The following FRMD6 variants were observed in gnomAD, a reference collection of about 807,000 sequenced individuals.
FRMD6 encodes FERM domain-containing protein 6.
FRMD6 carries 37 observed loss-of-function variants against 73.2 expected under a neutral mutation model. That is an observed-to-expected ratio of 0.51 (90% CI 0.39 to 0.66). FRMD6 has a LOEUF of 0.66. Ranked by LOEUF, FRMD6 falls within the 30% of genes least tolerant of loss-of-function variation. FRMD6 has a pLI of 0.00. For missense variants in FRMD6, 714 were observed against 780.5 expected (o/e 0.91, Z 1.02); for synonymous variants, 273 against 282.2 (o/e 0.97, Z 0.33).
At chr14:51,524,197 C>T (rs1381856128) in intron 1 of FRMD6, among the ~76,000 whole-genome samples, 2 of 152,160 alleles carry the variant, frequency 1.3e-5, no homozygotes, top group Non-Finnish European at 2.9e-5. Context: ...CTCCCCTTTA[C>T]TAGGCATGTC....
chr14:51,697,979 C>A, intron 2 of FRMD6, 163 bp from the exon 3 acceptor site: 1 of 537,580 alleles, frequency 1.9e-6, no homozygotes, highest in South Asian at 2.3e-5. Flanking sequence ...ATTACTGAAA[C>A]ACAACCCCAG....
chr14:51,695,814 C>G (rs1403255344), intron 2 of FRMD6, among the ~76,000 whole-genome samples: 1 of 152,050 alleles, frequency 6.6e-6, no homozygotes, highest in African/African-American at 2.4e-5. Flanking sequence ...AGGTTGGTTG[C>G]TATTTAATAA....
At chr14:51,430,046 GAAAT>G in the FRMD6 span, among the ~76,000 whole-genome samples, 2 of 152,150 alleles carry the variant, frequency 1.3e-5, no homozygotes, top group African/African-American at 4.8e-5. Context: ...GAAAGAAAAA[GAAAT>G]AAAATTGAAT....
In FRMD6 at chr14:51,660,133, C is replaced by T. The variant is rs111681524; in HGVS notation, c.-147+8137C>T. ...AAAATCTTGAGCTTAGTAAACTTAG[C>T]ACTTTAAAAATGTTCACTAAGTCCA... On this transcript the variant is annotated intron_variant, in intron 1 of 13. Transcript: ENST00000344768. Among the ~76,000 whole-genome samples the T allele has an allele frequency of 8.8e-3, 1,340 of 152,242 alleles. 21 individuals carry two copies. The highest frequency in any genetic ancestry group is 0.03 in the African/African-American group (1,253 of 41,534).
At chr14:51,404,747 T>C in the FRMD6 span, among the ~76,000 whole-genome samples, 1 of 152,328 alleles carries the variant, frequency 6.6e-6, no homozygotes, top group Admixed American at 6.5e-5. Flanking sequence ...TCCATTGTTT[T>C]AGTTGATATA....
rs183990110 is a variant in FRMD6 at position 51,594,395 on chromosome 14, C to T, written c.-147+23985C>T. ...CCAGGCTGGAGTGCAATGGTGCGAT[C>T]TTGGCTCACGGCAACCTCTGCCTCC... On this transcript the variant is annotated intron_variant, in intron 2 of 14. Coordinates refer to the FRMD6 transcript ENST00000356218. 5.9e-3 allele frequency among the ~76,000 whole-genome samples: 892 copies of T among 151,960 alleles called. 7 individuals carry two copies. The highest frequency in any genetic ancestry group is 9.7e-3 in the Non-Finnish European group (658 of 67,984).
chr14:51,454,624 C>T, the FRMD6 span: 2 of 152,238 alleles, frequency 1.3e-5, no homozygotes, highest in Non-Finnish European at 2.9e-5. Flanking sequence ...CCTCTAGTGC[C>T]TCTTCCAGCA....
intron 1 of FRMD6, among the ~76,000 whole-genome samples, chr14:51,548,610 A>G (rs1326485742): frequency 6.6e-6 from 1 of 152,256 alleles, no homozygotes; most frequent in Non-Finnish European, 1.5e-5. Flanking sequence ...TAGAAAAATA[A>G]TTGGACTAAA....
chr14:51,711,940 A>G (rs1566587832), intron 8 of FRMD6, among the ~76,000 whole-genome samples: 1 of 152,330 alleles, frequency 6.6e-6, no homozygotes, highest in East Asian at 1.9e-4. Flanking sequence ...CCTTTGGAGC[A>G]TTTGTAAGTG....
chr14:51,587,247 T>C (rs1889101409), intron 2 of FRMD6, among the ~76,000 whole-genome samples: 1 of 152,214 alleles, frequency 6.6e-6, no homozygotes, highest in Non-Finnish European at 1.5e-5. Flanking sequence ...TCTGTTCCAT[T>C]GATCTATGTG....
the FRMD6 span, among the ~76,000 whole-genome samples, chr14:51,467,617 G>A: frequency 1.3e-5 from 2 of 151,942 alleles, no homozygotes; most frequent in Admixed American, 6.6e-5. Flanking sequence ...CAGACTGGGC[G>A]GCCGGTCAGA....
At chr14:51,631,379 G>C (rs560226562) in intron 2 of FRMD6, among the ~76,000 whole-genome samples, 7 of 152,122 alleles carry the variant, frequency 4.6e-5, no homozygotes, top group Non-Finnish European at 1.0e-4. Context: ...AGGAACATTT[G>C]ATTTATGTGT....
At chr14:51,520,050 A>G (rs575564233) in intron 1 of FRMD6, among the ~76,000 whole-genome samples, 2 of 152,322 alleles carry the variant, frequency 1.3e-5, no homozygotes, top group East Asian at 1.9e-4. Context: ...ACAAAATGGG[A>G]AAAAAATATT....
chr14:51,622,743 T>C (rs1890969692), intron 2 of FRMD6, among the ~76,000 whole-genome samples: 1 of 152,154 alleles, frequency 6.6e-6, no homozygotes, highest in African/African-American at 2.4e-5. Context: ...TCTAATTCTT[T>C]CTCTGCACTG....
rs111759304 is a variant in FRMD6, at chr14:51,548,268, G to A, written c.-209-22080G>A. Among the ~76,000 whole-genome samples the A allele has an allele frequency of 5.9e-5, 9 of 152,256 alleles. No homozygotes were observed. The South Asian group carries it at 1.5e-3, about 25-fold the overall frequency. On this transcript the variant is annotated intron_variant, in intron 1 of 14. Transcript: ENST00000356218. The stretch of plus-strand genomic sequence containing the variant: ...AAAATAAATGAGAATGTTCATTCTC[G>A]CTAAGTTCTATGAGTAATGTAAACA...
chr14:51,683,883 T>C (rs1431229308), intron 1 of FRMD6, among the ~76,000 whole-genome samples: 1 of 152,136 alleles, frequency 6.6e-6, no homozygotes. Flanking sequence ...GGTTAAGCCA[T>C]ATCAAAGGCG....
chr14:51,477,277 G>C, the FRMD6 span, among the ~76,000 whole-genome samples: 2 of 152,116 alleles, frequency 1.3e-5, no homozygotes, highest in Non-Finnish European at 2.9e-5. Context: ...AACCCTGAAG[G>C]CTAAAACACC....
chr14:51,497,473 G>C lies in FRMD6; in HGVS notation c.-210+8053G>C, dbSNP rs1364837229. Among the ~76,000 whole-genome samples, 4 of 151,896 alleles carry C rather than the reference G, an allele frequency of 2.6e-5. No individual in the cohort carries two copies. The East Asian group carries it at 7.7e-4, about 29-fold the overall frequency. ...ATACCCATAATTCTTTCTGGGACAG[G>C]CCTCTCTCTACTAATGCTCTCTCCA... On this transcript the variant is annotated intron_variant, in intron 1 of 14. Transcript: ENST00000356218.
chr14:51,495,117 CT>C lies in FRMD6; in HGVS notation c.-210+5698del, dbSNP rs146407833. Among the ~76,000 whole-genome samples, 217 of 152,324 alleles carry C rather than the reference CT, an allele frequency of 1.4e-3. 1 individual carries two copies. Among genetic ancestry groups the C allele is most frequent in the African/African-American group, 4.8e-3 (199 of 41,572 alleles). ...CTCAGCCAAATATCCAATTTCACTG[CT>C]CACAAGTTTTTCCTTCCACAAAACA... On this transcript the variant is annotated intron_variant, in intron 1 of 14. Transcript: ENST00000356218.
Sources: allele counts gnomAD v4.1 joint callset (sites outside exome capture counted in the v4.1 genomes callset), GRCh38; gene constraint gnomAD v4.1.1; transcripts MANE v1.5; gene names NCBI Gene and HGNC (gene_info 2026-07-23, HGNC 2026-07-21).